The following RAPH1 variants were observed in gnomAD, a reference collection of about 807,000 sequenced individuals.
RAPH1 encodes the protein Ras association (RalGDS/AF-6) and pleckstrin homology domains 1.
RAPH1 carries 18 observed loss-of-function variants against 88.1 expected under a neutral mutation model. The observed-to-expected ratio is 0.20, with a 90% CI of 0.14 to 0.30. The LOEUF is 0.30. RAPH1 is among the 10% of genes least tolerant of loss of function. The pLI is 1.00. For missense variants in RAPH1, 1,448 were observed against 1,543.2 expected, an observed-to-expected ratio of 0.94 and a Z score of 1.03; for synonymous variants, 587 against 559.0, an observed-to-expected ratio of 1.05 and a Z score of -0.71.
At chr2:203,468,822 T>C (rs1452714483) in intron 4 of RAPH1, among the ~76,000 whole-genome samples, 1 of 152,086 alleles carries the variant, frequency 6.6e-6, no homozygotes, top group Non-Finnish European at 1.5e-5. Context: ...GAGCCTGTAG[T>C]AGAATGGTGG....
chr2:203,487,687 G>T (rs1688035904), intron 4 of RAPH1, among the ~76,000 whole-genome samples: 1 of 152,032 alleles, frequency 6.6e-6, no homozygotes, highest in Non-Finnish European at 1.5e-5. Context: ...GTCCGGCCTA[G>T]AAATCAGTTT....
intron 1 of RAPH1, among the ~76,000 whole-genome samples, chr2:203,506,243 G>A (rs952233612): frequency 2.0e-5 from 3 of 152,178 alleles, no homozygotes; most frequent in African/African-American, 4.8e-5. Context: ...CAGACAAAAA[G>A]ATGGGCAGAA....
At position 203,441,145 on chromosome 2, in the gene RAPH1, G is replaced by T; in HGVS notation, c.2045C>A (p.Ala682Asp). ...TGGGGGTGTTGGCGGCTTAAACAGGGCCCCTGAATGCTGAGACGCATTCTG... is the reference window on the plus strand; with the variant it reads ...TGGGGGTGTTGGCGGCTTAAACAGGTCCCCTGAATGCTGAGACGCATTCTG... ...RLQNASQHSG[A>D]LFKPPTPPVM... Residue 682 changes from alanine to aspartate, a missense_variant, in exon 14 of 14, where the codon GCC (alanine) becomes GAC (aspartate). By Grantham distance (126) the Ala-to-Asp change is moderately radical (BLOSUM62 -2). Coordinates refer to ENST00000319170, the MANE Select transcript of RAPH1 (RefSeq NM_213589.3). 6.2e-7 allele frequency: 1 copy of T among 1,612,778 alleles called. No homozygotes were observed. The highest frequency in any genetic ancestry group is 8.5e-7 in the Non-Finnish European group (1 of 1,179,700).
chr2:203,481,069 A>T (rs975878622), intron 4 of RAPH1, among the ~76,000 whole-genome samples: 5 of 152,068 alleles, frequency 3.3e-5, no homozygotes, highest in African/African-American at 1.2e-4. Flanking sequence ...GTTTACCTTA[A>T]TTTTCCTTAA....
At chr2:203,457,683 GGT>G in intron 7 of RAPH1, 88 bp from the exon 8 acceptor site, 1 of 960,034 alleles carries the variant, frequency 1.0e-6, no homozygotes, top group Non-Finnish European at 1.7e-6. Context: ...CCTTGGCACA[GGT>G]GTGTGTATGT....
rs2098496782 is a variant in RAPH1, at chr2:203,434,544, G to A, written c.*4893C>T. The A allele has an allele frequency of 1.3e-5, 2 of 148,848 alleles. No individual in the cohort carries two copies. The highest frequency in any genetic ancestry group is 2.2e-4 in the South Asian group (1 of 4,648). The allele number at this position is 148,848 out of a possible 1,614,324, so 9.2% of individuals were successfully genotyped here. A position where few individuals can be genotyped will look rare whatever the true frequency, so the allele number is the denominator to read the frequency against. ...CATTCCAGTTAATGCTTATTTTCTA[G>A]AAGGGGTTATTTTACAAGTAGCAAA... is the stretch of plus-strand genomic sequence containing the variant. On this transcript the variant is annotated 3_prime_UTR_variant, in exon 14 of 14. Transcript: ENST00000319170.
intron 4 of RAPH1, among the ~76,000 whole-genome samples, chr2:203,468,485 C>A (rs181190027): frequency 1.3e-5 from 2 of 152,332 alleles, no homozygotes; most frequent in Non-Finnish European, 2.9e-5. Context: ...CTAGAACCCG[C>A]TGATCTCATC....
rs1002818476 is a variant in RAPH1, at chr2:203,440,648, C to T, written c.2542G>A (p.Ala848Thr). The change falls in exon 14 of 14, where the codon GCA becomes ACA. Residue 848 changes from alanine to threonine, a missense_variant. Ala to Thr is a moderately conservative substitution (Grantham distance 58). Coordinates refer to ENST00000319170, the MANE Select transcript of RAPH1 (RefSeq NM_213589.3). ...PTLPKQQSFC[A>T]KPPPSPLSPV... is the part of the protein sequence containing the mutation. The stretch of plus-strand genomic sequence containing the variant: ...GACAGTGGAGAGGGAGGGGGTTTTG[C>T]ACAGAAGCTCTGTTGCTTGGGTAAT... 2 of 1,543,310 alleles carry T rather than the reference C, an allele frequency of 1.3e-6. No homozygotes were observed. Among genetic ancestry groups the T allele is most frequent in the African/African-American group, 2.9e-5 (2 of 68,830 alleles).
chr2:203,482,499 A>G (rs1023341608), intron 4 of RAPH1, among the ~76,000 whole-genome samples: 6 of 152,214 alleles, frequency 3.9e-5, no homozygotes, highest in African/African-American at 1.4e-4. Context: ...CTATTCCTTT[A>G]AATTTAGCAA....
At chr2:203,474,428 A>C (rs920225276) in intron 4 of RAPH1, among the ~76,000 whole-genome samples, 2 of 152,230 alleles carry the variant, frequency 1.3e-5, no homozygotes, top group Admixed American at 6.5e-5. Context: ...TCTTGCTTAT[A>C]ACAATCTGAG....
intron 10 of RAPH1, among the ~76,000 whole-genome samples, chr2:203,452,872 C>T (rs1019382536): frequency 3.0e-4 from 46 of 151,964 alleles, no homozygotes; most frequent in African/African-American, 1.1e-3. Context: ...TACTTGAACC[C>T]GGGAGGCAGA....
rs371952497 is a variant in RAPH1, at chr2:203,449,503, GTGAC to G, written c.1414-671_1414-668del. On this transcript the variant is annotated intron_variant, in intron 10 of 13. Transcript: ENST00000319170. Reference sequence around the variant, plus strand: ...TTTTCAGTTGAGGCTTGGATGAGAGGTGACTGACTGAACCTTGGCTACAAAATCC... The same window carrying G: ...TTTTCAGTTGAGGCTTGGATGAGAGGTGACTGAACCTTGGCTACAAAATCC... 2.4e-4 allele frequency among the ~76,000 whole-genome samples: 37 copies of G among 152,292 alleles called. No individual in the cohort carries two copies. The South Asian group carries it at 7.2e-3, about 30-fold the overall frequency.
At position 203,464,611 on chromosome 2, in the gene RAPH1, C is replaced by T. The variant is rs1301446820; in HGVS notation, c.733-2686G>A. On this transcript the variant is annotated intron_variant, in intron 4 of 13. Coordinates refer to ENST00000319170, the MANE Select transcript of RAPH1 (RefSeq NM_213589.3). ...AAAGGCCAAATTCTTTATGGTATTACATAATCTATAAATTTAACATTTTAA... is the reference window on the plus strand; with the variant it reads ...AAAGGCCAAATTCTTTATGGTATTATATAATCTATAAATTTAACATTTTAA... Among the ~76,000 whole-genome samples, 34 of 152,138 alleles carry T rather than the reference C, an allele frequency of 2.2e-4. 1 individual carries two copies. Among genetic ancestry groups the T allele is most frequent in the Admixed American group, 2.2e-3 (34 of 15,266 alleles).
Position 203,441,176 on chromosome 2 carries a change from G to A in RAPH1, c.2014C>T (p.Arg672Trp), listed in dbSNP as rs137979008. 158 of 1,611,150 alleles carry A rather than the reference G, an allele frequency of 9.8e-5. No individual in the cohort carries two copies. The highest frequency in any genetic ancestry group is 1.3e-4 in the Non-Finnish European group (151 of 1,179,294). Residue 672 changes from arginine (R) to tryptophan (W), a missense_variant, in exon 14 of 14, where the codon CGG becomes TGG. Arg to Trp is a moderately radical substitution (Grantham distance 101). This residue lies in a region of RAPH1 where 935 missense variants were observed against 890.1 expected (regional missense o/e 1.05). Coordinates refer to ENST00000319170, the MANE Select transcript of RAPH1 (RefSeq NM_213589.3). ...PMFVKYSTITRLQNASQHSGA... is the reference protein window; with the variant it reads ...PMFVKYSTITWLQNASQHSGA... ...GAATGCTGAGACGCATTCTGTAGCCGTGTTATTGTGCTGTACTTGACGAAC... is the reference window on the plus strand; with the variant it reads ...GAATGCTGAGACGCATTCTGTAGCCATGTTATTGTGCTGTACTTGACGAAC...
At chr2:203,444,282 A>C (rs2098507209) in intron 13 of RAPH1, 1 of 151,652 alleles carries the variant, frequency 6.6e-6, no homozygotes, top group African/African-American at 2.4e-5. Context: ...AAATACAAAA[A>C]TTAGCTGGGC....
chr2:203,502,514 T>A (rs1311034890), intron 1 of RAPH1, among the ~76,000 whole-genome samples: 3 of 152,170 alleles, frequency 2.0e-5, no homozygotes, highest in Non-Finnish European at 4.4e-5. Context: ...TAAATCAAAT[T>A]CAAAGGCAAT....
intron 3 of RAPH1, among the ~76,000 whole-genome samples, chr2:203,490,595 C>T (rs746202023): frequency 2.1e-4 from 32 of 152,136 alleles, no homozygotes; most frequent in East Asian, 3.8e-4. Flanking sequence ...GACTTTAATC[C>T]GGTGAGAAAA....
chr2:203,473,630 CTGAG>C (rs1182663532), intron 4 of RAPH1, among the ~76,000 whole-genome samples: 1 of 151,848 alleles, frequency 6.6e-6, no homozygotes, highest in Non-Finnish European at 1.5e-5. Flanking sequence ...CTTACTGTAA[CTGAG>C]TAAGGCCATT....
At chr2:203,450,702 A>G (rs1387552694) in intron 10 of RAPH1, among the ~76,000 whole-genome samples, 2 of 152,254 alleles carry the variant, frequency 1.3e-5, no homozygotes, top group African/African-American at 2.4e-5. Context: ...AGGGCTTAAG[A>G]GACTGTTCTG....
Sources: allele counts gnomAD v4.1 joint callset (sites outside exome capture counted in the v4.1 genomes callset), GRCh38; gene constraint gnomAD v4.1.1; regional missense constraint gnomAD v4.1.1; transcripts MANE v1.5; gene names NCBI Gene and HGNC (gene_info 2026-07-23, HGNC 2026-07-21).